JADE3: variants seen among roughly 807,000 people sequenced by gnomAD.
The protein encoded by JADE3 is protein Jade-3.
In JADE3, 2 loss-of-function variants were observed where a neutral mutation model predicts 50.1. The ratio of observed to expected loss-of-function variants is 0.04; its 90% CI spans 0.02 to 0.13. The LOEUF (loss-of-function observed/expected upper bound fraction) is 0.13. Ranked by LOEUF, JADE3 falls within the 10% of genes least tolerant of loss-of-function variation. The probability of loss-of-function intolerance (pLI) is 1.00; values close to 1 mark genes in which losing one functional copy is unlikely to be tolerated. For synonymous variants in JADE3, 218 were observed against 232.9 expected, an observed-to-expected ratio of 0.94 and a Z score of 0.58; for missense variants, 475 against 634.4, an observed-to-expected ratio of 0.75 and a Z score of 2.70.
At chrX:47,010,388 C>T (rs2147143177) in intron 4 of JADE3, among the ~76,000 whole-genome samples, 1 of 111,111 alleles carries the variant, frequency 9.0e-6, no homozygotes, top group African/African-American at 3.3e-5. Context: ...GCCACCACAA[C>T]TGGCTAATTT....
At chrX:46,968,059 C>T (rs782571827) in intron 1 of JADE3, among the ~76,000 whole-genome samples, 1 of 111,740 alleles carries the variant, frequency 8.9e-6, no homozygotes, top group Non-Finnish European at 1.9e-5. Context: ...CAATTATCCC[C>T]AGGCTTGTAA....
At chrX:47,037,133 A>AT (rs1293378290) in intron 7 of JADE3, among the ~76,000 whole-genome samples, 2 of 110,199 alleles carry the variant, frequency 1.8e-5, no homozygotes, top group Non-Finnish European at 3.8e-5. Context: ...AAAAAAAAAA[A>AT]GCATCCCTTT....
At chrX:46,926,209 A>C (rs1176221904) in intron 1 of JADE3, among the ~76,000 whole-genome samples, 1 of 103,954 alleles carries the variant, frequency 9.6e-6, no homozygotes, top group Non-Finnish European at 1.9e-5. Context: ...GACTTAAAAA[A>C]ATTATACAGT....
chrX:46,925,304 A>T (rs1372248242), intron 1 of JADE3, among the ~76,000 whole-genome samples: 6 of 112,316 alleles, frequency 5.3e-5, no homozygotes, highest in African/African-American at 1.9e-4. Context: ...CTAATAACTT[A>T]GTAAATACTT....
intron 1 of JADE3, among the ~76,000 whole-genome samples, chrX:46,934,416 A>G (rs1349137857): frequency 1.8e-5 from 2 of 110,281 alleles, no homozygotes; most frequent in African/African-American, 6.6e-5. Context: ...CTCCTGCCTC[A>G]GCCTCCCGAG....
chrX:47,057,355 A>G (rs989738945), intron 10 of JADE3, among the ~76,000 whole-genome samples: 3 of 111,628 alleles, frequency 2.7e-5, no homozygotes, highest in Non-Finnish European at 5.6e-5. Flanking sequence ...GTCCATATAC[A>G]AGGAGGAATT....
At chrX:46,944,926 C>T (rs1556343023) in intron 1 of JADE3, among the ~76,000 whole-genome samples, 1 of 110,048 alleles carries the variant, frequency 9.1e-6, no homozygotes, top group Non-Finnish European at 1.9e-5. Context: ...TCAGTACAGC[C>T]TCGACCTCCT....
At chrX:46,960,030 A>G (rs1001695822) in intron 1 of JADE3, among the ~76,000 whole-genome samples, 4 of 111,231 alleles carry the variant, frequency 3.6e-5, no homozygotes, top group Non-Finnish European at 7.6e-5. Context: ...CACAATATCT[A>G]TCATGTTCAA....
rs140898718 is a variant in JADE3 at position 47,058,998 on chromosome X, A to T, written c.2393A>T (p.Asn798Ile). ...AGGAAAGATAGCTCAGACAGGGAAA[A>T]TCCTCCCCATGACTCTAGACGGGAT... The part of the protein sequence containing the change: ...RVRKDSSDRE[N>I]PPHDSRRDCH... Residue 798 changes from asparagine to isoleucine, a missense_variant, in exon 11 of 11, where the codon AAT (asparagine) becomes ATT (isoleucine). Coordinates refer to ENST00000614628, the MANE Select transcript of JADE3 (RefSeq NM_014735.5). 8.3e-7 allele frequency: 1 copy of T among 1,209,504 alleles called. No homozygotes were observed. The highest frequency in any genetic ancestry group is 1.1e-6 in the Non-Finnish European group (1 of 894,459).
At chrX:46,977,100 C>T in intron 1 of JADE3, among the ~76,000 whole-genome samples, 1 of 112,095 alleles carries the variant, frequency 8.9e-6, no homozygotes, top group Non-Finnish European at 1.9e-5. Flanking sequence ...TGGCTCACGC[C>T]TGCAATCCCA....
chrX:46,944,367 G>A (rs1192085845), intron 1 of JADE3, among the ~76,000 whole-genome samples: 1 of 107,102 alleles, frequency 9.3e-6, no homozygotes, highest in Non-Finnish European at 1.9e-5. Context: ...GTGCAATGGT[G>A]TGATCTTGGC....
chrX:46,927,592 C>T (rs1926398310), intron 1 of JADE3, among the ~76,000 whole-genome samples: 1 of 112,083 alleles, frequency 8.9e-6, no homozygotes, highest in Admixed American at 9.5e-5. Flanking sequence ...TAAGAAGCTG[C>T]AAAAAGTAGC....
chrX:46,939,682 T>A (rs1243524224), intron 1 of JADE3, among the ~76,000 whole-genome samples: 1 of 112,031 alleles, frequency 8.9e-6, no homozygotes, highest in Non-Finnish European at 1.9e-5. Flanking sequence ...AACATAGGTT[T>A]ATGGTGAGAT....
chrX:46,978,558 A>G (rs1313838220), intron 1 of JADE3, among the ~76,000 whole-genome samples: 1 of 111,754 alleles, frequency 8.9e-6, no homozygotes, highest in East Asian at 2.8e-4. Context: ...AACAAGACGA[A>G]CGTGTTCCCG....
chrX:46,922,681 CTTTGATTCAT>C (rs1158861591), intron 1 of JADE3, among the ~76,000 whole-genome samples: 1 of 110,504 alleles, frequency 9.0e-6, no homozygotes, highest in Admixed American at 9.7e-5. Context: ...TAGCATTTCC[CTTTGATTCAT>C]TCTTACAGTT....
At chrX:46,973,840 G>C (rs782727708) in intron 1 of JADE3, among the ~76,000 whole-genome samples, 3 of 112,119 alleles carry the variant, frequency 2.7e-5, no homozygotes, top group African/African-American at 9.7e-5. Flanking sequence ...CAGCACTTTG[G>C]GAGGCCGAAG....
chrX:46,998,724 ACT>A (rs1928199303), intron 4 of JADE3, among the ~76,000 whole-genome samples: 1 of 110,389 alleles, frequency 9.1e-6, no homozygotes. Context: ...ATGGAGTCTT[ACT>A]CTGTCACCCA....
intron 8 of JADE3, among the ~76,000 whole-genome samples, chrX:47,043,771 A>G (rs1289307282): frequency 9.3e-6 from 1 of 107,266 alleles, no homozygotes; most frequent in Non-Finnish European, 1.9e-5. Flanking sequence ...GTGAGCCAAG[A>G]TCATGCCACT....
At chrX:46,923,992 G>A in intron 1 of JADE3, among the ~76,000 whole-genome samples, 1 of 111,829 alleles carries the variant, frequency 8.9e-6, no homozygotes. Context: ...CTGGACTGGA[G>A]CTTCTTTTTC....
Sources: gnomAD v4.1 joint callset for allele counts (sites outside exome capture counted in the v4.1 genomes callset) on GRCh38, gnomAD v4.1.1 for gene constraint, MANE v1.5 for transcripts, NCBI Gene and HGNC (gene_info 2026-07-23, HGNC 2026-07-21) for gene names.